The following KCNMA1 variants were observed in gnomAD, a reference collection of about 807,000 sequenced individuals.
KCNMA1 encodes potassium calcium-activated channel subfamily M alpha 1.
A neutral mutation model predicts 140.0 loss-of-function variants in KCNMA1; 29 were observed. That is an observed-to-expected ratio of 0.21 (90% CI 0.15 to 0.28). KCNMA1 has a LOEUF of 0.28. Ranked by LOEUF, KCNMA1 falls within the 10% of genes least tolerant of loss-of-function variation. The probability of loss-of-function intolerance (pLI) is 1.00; values close to 1 mark genes in which losing one functional copy is unlikely to be tolerated. For synonymous variants in KCNMA1, 612 were observed against 611.9 expected (o/e 1.00, Z 0.00); for missense variants, 880 against 1,602.2 (o/e 0.55, Z 7.70).
intron 5 of KCNMA1, among the ~76,000 whole-genome samples, chr10:77,127,187 T>C (rs995993598): frequency 1.3e-5 from 2 of 151,724 alleles, no homozygotes; most frequent in Non-Finnish European, 2.9e-5. Context: ...ATGACATTAA[T>C]CTATTATTAT....
chr10:77,615,301 G>T (rs937349327), intron 1 of KCNMA1, among the ~76,000 whole-genome samples: 3 of 152,166 alleles, frequency 2.0e-5, no homozygotes, highest in African/African-American at 4.8e-5. Context: ...CACCAGGTCC[G>T]TCCTGCTCTG....
intron 1 of KCNMA1, among the ~76,000 whole-genome samples, chr10:77,620,362 G>A (rs2280164): frequency 0.012 from 1,903 of 152,278 alleles, 18 homozygotes; most frequent in East Asian, 0.031. Context: ...GGTGCAAGAC[G>A]CTCTGCTGAC....
intron 1 of KCNMA1, among the ~76,000 whole-genome samples, chr10:77,474,369 C>G (rs2098232231): frequency 6.6e-6 from 1 of 152,102 alleles, no homozygotes; most frequent in Non-Finnish European, 1.5e-5. Context: ...GGACTGATGT[C>G]TTTATAAGAA....
At chr10:77,307,232 G>T (rs889540991) in intron 2 of KCNMA1, among the ~76,000 whole-genome samples, 3 of 152,112 alleles carry the variant, frequency 2.0e-5, no homozygotes, top group Admixed American at 1.3e-4. Context: ...GTCTCTTCTG[G>T]CCTTCAGAAA....
chr10:77,622,191 G>T (rs567187890), intron 1 of KCNMA1, among the ~76,000 whole-genome samples: 12 of 152,264 alleles, frequency 7.9e-5, no homozygotes, highest in African/African-American at 2.6e-4. Flanking sequence ...CAACATTTAA[G>T]GTTCCTTCTC....
downstream of KCNMA1, chr10:76,875,033 GAC>G (rs1423187375): frequency 6.6e-6 from 1 of 152,270 alleles, no homozygotes; most frequent in African/African-American, 2.4e-5. Flanking sequence ...TAGGCAGAAA[GAC>G]AGACTGTTGC....
intron 2 of KCNMA1, among the ~76,000 whole-genome samples, chr10:77,339,298 C>G (rs986724313): frequency 6.6e-6 from 1 of 152,106 alleles, no homozygotes; most frequent in Non-Finnish European, 1.5e-5. Flanking sequence ...GAAAATTCTG[C>G]CAAACCCACA....
At chr10:77,603,296 C>G (rs1849909) in intron 1 of KCNMA1, among the ~76,000 whole-genome samples, 33,671 of 151,894 alleles carry the variant, frequency 0.22, 4,000 homozygotes, top group African/African-American at 0.27. Flanking sequence ...TCCTTCGGTC[C>G]CCCCCACCCA....
chr10:77,007,782 GA>G (rs1395199925), intron 18 of KCNMA1, among the ~76,000 whole-genome samples: 4 of 151,510 alleles, frequency 2.6e-5, no homozygotes, highest in Non-Finnish European at 4.4e-5. Context: ...AGGCAAGCAT[GA>G]CAATTACCCC....
In KCNMA1 at chr10:77,008,045, C is replaced by A. The variant is rs1476660249; in HGVS notation, c.2092+3922G>T. On this transcript the variant is annotated intron_variant, in intron 18 of 27. Coordinates refer to ENST00000286628, the MANE Select transcript of KCNMA1 (RefSeq NM_001161352.2). ...GCATTGGGGGATGAAGGAGTTGGGG[C>A]ATGATGTCACTGCTACATGCAACAT... 3.1e-5 allele frequency: 25 copies of A among 803,066 alleles called. 1 individual carries two copies. In the East Asian group the frequency reaches 6.8e-4, roughly 22 times the overall value. 49.7% of individuals were successfully genotyped at this position (803,066 alleles called of 1,614,324 possible). A position where few individuals can be genotyped will look rare whatever the true frequency, so the allele number is the denominator to read the frequency against.
chr10:77,381,171 G>T (rs1219584408), intron 2 of KCNMA1, among the ~76,000 whole-genome samples: 3 of 152,140 alleles, frequency 2.0e-5, no homozygotes, highest in Non-Finnish European at 4.4e-5. Context: ...CAGGAAATAA[G>T]TGTCAACCAT....
At chr10:77,120,607 A>G (rs2097573267) in intron 6 of KCNMA1, among the ~76,000 whole-genome samples, 1 of 152,210 alleles carries the variant, frequency 6.6e-6, no homozygotes, top group African/African-American at 2.4e-5. Context: ...AGAATCTGGC[A>G]GCAAGGACTT....
intron 1 of KCNMA1, among the ~76,000 whole-genome samples, chr10:77,480,407 G>A (rs191496511): frequency 6.6e-6 from 1 of 152,274 alleles, no homozygotes; most frequent in East Asian, 1.9e-4. Flanking sequence ...CCACGTGATG[G>A]ACCCCAGTTA....
At chr10:77,198,363 T>A (rs2041309117) in intron 3 of KCNMA1, among the ~76,000 whole-genome samples, 1 of 151,944 alleles carries the variant, frequency 6.6e-6, no homozygotes, top group South Asian at 2.1e-4. Context: ...ACTCTATGCA[T>A]CTATACCCCT....
chr10:77,598,006 T>C (rs2081425040), intron 1 of KCNMA1, among the ~76,000 whole-genome samples: 2 of 152,208 alleles, frequency 1.3e-5, no homozygotes, highest in Admixed American at 1.3e-4. Context: ...GAGTCTCACT[T>C]TGCCACCCAG....
intron 9 of KCNMA1, among the ~76,000 whole-genome samples, chr10:77,093,953 T>C (rs2096871169): frequency 6.6e-6 from 1 of 152,194 alleles, no homozygotes; most frequent in Admixed American, 6.5e-5. Flanking sequence ...CTAAATAGTC[T>C]TGGACAATGT....
intron 23 of KCNMA1, among the ~76,000 whole-genome samples, chr10:76,930,571 T>TA (rs1345832645): frequency 6.6e-6 from 1 of 152,074 alleles, no homozygotes; most frequent in Non-Finnish European, 1.5e-5. Context: ...GAAGTTTCTA[T>TA]AAAAAATTAA....
intron 1 of KCNMA1, among the ~76,000 whole-genome samples, chr10:77,453,801 T>C (rs2097707751): frequency 6.6e-6 from 1 of 152,086 alleles, no homozygotes; most frequent in Non-Finnish European, 1.5e-5. Flanking sequence ...GTGTGAAAGC[T>C]ATCCAAGGTG....
chr10:77,242,978 C>G (rs2057679541), intron 3 of KCNMA1, among the ~76,000 whole-genome samples: 1 of 151,630 alleles, frequency 6.6e-6, no homozygotes, highest in Non-Finnish European at 1.5e-5. Context: ...CTCCCAAATT[C>G]TATGAACAAA....
Sources: allele counts gnomAD v4.1 joint callset (sites outside exome capture counted in the v4.1 genomes callset), GRCh38; gene constraint gnomAD v4.1.1; transcripts MANE v1.5; gene names NCBI Gene and HGNC (gene_info 2026-07-23, HGNC 2026-07-21).